Variants in SOX5 observed in about 807,000 individuals in gnomAD.
The protein encoded by SOX5 is transcription factor SOX-5.
A neutral mutation model predicts 92.0 loss-of-function variants in SOX5; 9 were observed. That is an observed-to-expected ratio of 0.10 (90% CI 0.06 to 0.17). The LOEUF is 0.17. Ranked by LOEUF, SOX5 falls within the 10% of genes least tolerant of loss-of-function variation. The probability of loss-of-function intolerance (pLI) is 1.00; values close to 1 mark genes in which losing one functional copy is unlikely to be tolerated. For synonymous variants in SOX5, 344 were observed against 336.3 expected (o/e 1.02, Z -0.25); for missense variants, 642 against 944.5 (o/e 0.68, Z 4.20).
chr12:23,845,885 ACT>A, intron 3 of SOX5, 96 bp downstream of exon 3: 2 of 1,002,558 alleles, frequency 2.0e-6, no homozygotes, highest in Non-Finnish European at 3.1e-6. Flanking sequence ...GCCCAATTTA[ACT>A]TTAAGAGTAT....
rs541433950 is a variant in SOX5, at chr12:24,463,086, G to A, written c.-250-94447C>T. 6.6e-5 allele frequency among the ~76,000 whole-genome samples: 10 copies of A among 152,138 alleles called. No individual in the cohort carries two copies. The East Asian group carries it at 1.9e-3, about 29-fold the overall frequency. On this transcript the variant is annotated intron_variant, in intron 1 of 4. Transcript: ENST00000446891. The stretch of plus-strand genomic sequence containing the variant: ...ATTTAAAAATTAGCTGGGCATGGTG[G>A]TGCATTCTGTAGTCCAGCTACTCAG...
At chr12:24,225,465 A>G (rs1961683603) in intron 3 of SOX5, among the ~76,000 whole-genome samples, 1 of 124,954 alleles carries the variant, frequency 8.0e-6, no homozygotes. Context: ...TGAGTAAATT[A>G]ACAATTATCA....
chr12:24,400,540 T>C (rs1961273656), intron 1 of SOX5, among the ~76,000 whole-genome samples: 1 of 152,218 alleles, frequency 6.6e-6, no homozygotes, highest in South Asian at 2.1e-4. Flanking sequence ...CACAGTTGAC[T>C]CAAAGTCAGC....
chr12:23,553,832 G>A (rs538999186), intron 11 of SOX5, among the ~76,000 whole-genome samples: 3 of 152,082 alleles, frequency 2.0e-5, no homozygotes, highest in Non-Finnish European at 4.4e-5. Context: ...GGGTAACTCA[G>A]TTACTGAGCT....
At chr12:23,702,729 T>C (rs752391207) in intron 6 of SOX5, among the ~76,000 whole-genome samples, 20 of 151,696 alleles carry the variant, frequency 1.3e-4, no homozygotes, top group Non-Finnish European at 2.8e-4. Flanking sequence ...TGAAGAGAAA[T>C]GAACCAAAAA....
intron 8 of SOX5, among the ~76,000 whole-genome samples, chr12:23,613,199 A>G (rs1362164443): frequency 6.6e-6 from 1 of 152,200 alleles, no homozygotes; most frequent in Non-Finnish European, 1.5e-5. Flanking sequence ...TTTATAATTC[A>G]TAAGTCAATG....
chr12:24,096,888 T>C (rs74436351), intron 4 of SOX5, among the ~76,000 whole-genome samples: 1,839 of 152,272 alleles, frequency 0.012, 25 homozygotes, highest in African/African-American at 0.041. Flanking sequence ...TGAGTATGTA[T>C]ATAGAATTAG....
intron 4 of SOX5, among the ~76,000 whole-genome samples, chr12:24,003,638 G>A (rs1483904595): frequency 6.6e-6 from 1 of 151,820 alleles, no homozygotes; most frequent in African/African-American, 2.4e-5. Flanking sequence ...AAATCACTGA[G>A]AGAAATTAAA....
At chr12:23,929,144 A>G (rs1299159091) in intron 1 of SOX5, among the ~76,000 whole-genome samples, 3 of 151,974 alleles carry the variant, frequency 2.0e-5, no homozygotes, top group Non-Finnish European at 1.5e-5. Context: ...ATTTTGAATT[A>G]TCTCACAAAG....
In SOX5 at chr12:23,640,835, C is replaced by G. The variant is rs922164639; in HGVS notation, c.994G>C (p.Gly332Arg). ...TMAAAAAATP[G>R]LGPLQLQQLY... ...ACCTGCAGTTGGAGTGGGCCTAAGC[C>G]TGGTGTTGCTGCGGCAGCAGCTGCC... Residue 332 changes from glycine (G) to arginine (R), a missense_variant, in exon 8 of 15, where the codon GGC becomes CGC. Transcript: ENST00000451604. 5 of 1,613,900 alleles carry G rather than the reference C, an allele frequency of 3.1e-6. No individual in the cohort carries two copies. The highest frequency in any genetic ancestry group is 4.2e-6 in the Non-Finnish European group (5 of 1,179,820).
chr12:23,966,310 G>A (rs1947580052), intron 4 of SOX5, among the ~76,000 whole-genome samples: 1 of 143,890 alleles, frequency 6.9e-6, no homozygotes, highest in Non-Finnish European at 1.5e-5. Context: ...AAGTTTGCTT[G>A]TATTTAGGCA....
At chr12:23,688,051 C>G (rs948517204) in intron 6 of SOX5, among the ~76,000 whole-genome samples, 1 of 151,974 alleles carries the variant, frequency 6.6e-6, no homozygotes, top group Non-Finnish European at 1.5e-5. Context: ...ACCTTTGGGT[C>G]CCAAACACAA....
intron 6 of SOX5, among the ~76,000 whole-genome samples, chr12:23,699,918 A>G (rs2090392182): frequency 6.6e-6 from 1 of 152,186 alleles, no homozygotes; most frequent in Admixed American, 6.6e-5. Context: ...GGGTCCCTCT[A>G]GAAGGATTTT....
intron 4 of SOX5, among the ~76,000 whole-genome samples, chr12:24,071,610 G>T (rs12298757): frequency 0.24 from 36,384 of 151,654 alleles, 4,692 homozygotes; most frequent in Non-Finnish European, 0.29. Flanking sequence ...ATTTTTCATA[G>T]TTTTTAGTAG....
chr12:23,742,223 G>T (rs1417910699), intron 4 of SOX5, among the ~76,000 whole-genome samples: 1 of 152,150 alleles, frequency 6.6e-6, no homozygotes, highest in Non-Finnish European at 1.5e-5. Flanking sequence ...AGCAGCTATA[G>T]TTAGTAGCTT....
At chr12:24,124,660 AAAG>A (rs1172595100) in intron 4 of SOX5, among the ~76,000 whole-genome samples, 6 of 152,180 alleles carry the variant, frequency 3.9e-5, no homozygotes, top group East Asian at 1.9e-4. Flanking sequence ...TTTACTTTGA[AAAG>A]AAGAAGAATT....
At chr12:23,953,412 T>C (rs1349616235), upstream of SOX5, among the ~76,000 whole-genome samples, 1 of 152,108 alleles carries the variant, frequency 6.6e-6, no homozygotes, top group African/African-American at 2.4e-5. Flanking sequence ...GATATTCAAT[T>C]GACTATAGAT....
At chr12:24,349,585 A>G (rs1044555142) in intron 2 of SOX5, among the ~76,000 whole-genome samples, 1 of 152,186 alleles carries the variant, frequency 6.6e-6, no homozygotes, top group Non-Finnish European at 1.5e-5. Flanking sequence ...CTCAAGGCTT[A>G]TTCATATAAT....
intron 10 of SOX5, among the ~76,000 whole-genome samples, chr12:23,567,464 ATTTTTTTTTT>A (rs35620007): frequency 1.7e-5 from 2 of 119,154 alleles, no homozygotes; most frequent in African/African-American, 3.2e-5. Flanking sequence ...ATTTGATTTG[ATTTTTTTTTT>A]TTTTTTTTTT....
Sources: allele counts gnomAD v4.1 joint callset (sites outside exome capture counted in the v4.1 genomes callset), GRCh38; gene constraint gnomAD v4.1.1; transcripts MANE v1.5; gene names NCBI Gene and HGNC (gene_info 2026-07-23, HGNC 2026-07-21).